Variants in PRORP observed in about 807,000 individuals in gnomAD.
The protein encoded by PRORP is mitochondrial ribonuclease P catalytic subunit.
In PRORP, 51 loss-of-function variants were observed where a neutral mutation model predicts 59.4. The ratio of observed to expected loss-of-function variants is 0.86; its 90% CI spans 0.69 to 1.08. The LOEUF (loss-of-function observed/expected upper bound fraction) is 1.08. Among genes scored for constraint, PRORP ranks in the 50% least tolerant of loss-of-function variants. PRORP has a pLI of 0.00. For synonymous variants in PRORP, 231 were observed against 245.6 expected (o/e 0.94, Z 0.55); for missense variants, 646 against 690.3 (o/e 0.94, Z 0.72).
rs1182227311 is a variant in PRORP, at chr14:35,197,291, AG to A, written c.1275+16516del. Among the ~76,000 whole-genome samples, 10 of 152,286 alleles carry A rather than the reference AG, an allele frequency of 6.6e-5. No homozygotes were observed. In the East Asian group the frequency reaches 1.9e-3, roughly 29 times the overall value. Reference sequence around the variant, plus strand: ...AAAACACTCTCATTGAGAGTGTGGTAGGAAGAGGCCACTTATGAAAATATAA... The same window carrying A: ...AAAACACTCTCATTGAGAGTGTGGTAGAAGAGGCCACTTATGAAAATATAA... On this transcript the variant is annotated intron_variant, in intron 5 of 7. Transcript: ENST00000534898.
At chr14:35,133,707 A>C (rs1344043809) in intron 4 of PRORP, among the ~76,000 whole-genome samples, 1 of 152,208 alleles carries the variant, frequency 6.6e-6, no homozygotes, top group East Asian at 1.9e-4. Context: ...TTTAGGGGGC[A>C]GCCAAAGCCC....
At chr14:35,193,296 T>C (rs1361294464) in intron 5 of PRORP, among the ~76,000 whole-genome samples, 1 of 152,206 alleles carries the variant, frequency 6.6e-6, no homozygotes, top group East Asian at 1.9e-4. Context: ...TTAAAAGAAT[T>C]ATGGCTGACA....
At chr14:35,163,855 C>T (rs1044976290) in intron 4 of PRORP, among the ~76,000 whole-genome samples, 1 of 152,122 alleles carries the variant, frequency 6.6e-6, no homozygotes, top group African/African-American at 2.4e-5. Flanking sequence ...AGGCTGATGT[C>T]AAGAAGGGTA....
intron 5 of PRORP, among the ~76,000 whole-genome samples, chr14:35,181,138 A>G (rs2048595160): frequency 6.6e-6 from 1 of 152,154 alleles, no homozygotes; most frequent in South Asian, 2.1e-4. Flanking sequence ...AAAATTATCA[A>G]TATACAATAT....
chr14:35,201,113 G>A (rs1221641291), intron 5 of PRORP, among the ~76,000 whole-genome samples: 9 of 152,106 alleles, frequency 5.9e-5, no homozygotes, highest in Admixed American at 2.0e-4. Context: ...GTGGGTTTTG[G>A]GTAGGAAGAC....
At chr14:35,149,467 C>T (rs1235454032) in intron 4 of PRORP, among the ~76,000 whole-genome samples, 1 of 152,204 alleles carries the variant, frequency 6.6e-6, no homozygotes, top group African/African-American at 2.4e-5. Context: ...CTTGCTTCAG[C>T]CTCCCAAAGT....
intron 5 of PRORP, among the ~76,000 whole-genome samples, chr14:35,265,155 T>C (rs1255133176): frequency 6.6e-6 from 1 of 152,146 alleles, no homozygotes; most frequent in Non-Finnish European, 1.5e-5. Flanking sequence ...CTTTAAGTAA[T>C]GTCCTGAAAA....
chr14:35,159,310 C>T (rs997613511), intron 4 of PRORP, among the ~76,000 whole-genome samples: 4 of 152,260 alleles, frequency 2.6e-5, no homozygotes, highest in Middle Eastern at 3.4e-3. Context: ...TGTTTTCTTC[C>T]TCTTCTTTTT....
intron 4 of PRORP, among the ~76,000 whole-genome samples, chr14:35,150,906 G>A (rs2047728356): frequency 6.6e-6 from 1 of 152,134 alleles, no homozygotes; most frequent in African/African-American, 2.4e-5. Context: ...AGGTGGGAGT[G>A]TGCAAAGGAG....
chr14:35,236,981 T>TCCTC (rs1221552868), intron 5 of PRORP, among the ~76,000 whole-genome samples: 1 of 151,018 alleles, frequency 6.6e-6, no homozygotes, highest in Non-Finnish European at 1.5e-5. Flanking sequence ...TTTCCTTTCT[T>TCCTC]CCTCCCTCCC....
At chr14:35,262,606 A>G (rs1283552261) in intron 5 of PRORP, 1 of 729,942 alleles carries the variant, frequency 1.4e-6, no homozygotes, top group Non-Finnish European at 2.5e-6. Context: ...CTTCTTGGAA[A>G]GAAAGAAAAG....
chr14:35,156,882 ATT>A (rs1000490334), intron 4 of PRORP, among the ~76,000 whole-genome samples: 6 of 152,178 alleles, frequency 3.9e-5, no homozygotes, highest in African/African-American at 1.4e-4. Context: ...CCTATCATAA[ATT>A]AATACCTTTT....
chr14:35,146,562 G>C (rs577477028), intron 4 of PRORP, among the ~76,000 whole-genome samples: 2 of 151,968 alleles, frequency 1.3e-5, no homozygotes, highest in Non-Finnish European at 2.9e-5. Flanking sequence ...ATGAACTGTG[G>C]GTTTTTTTCC....
chr14:35,189,137 A>G (rs2048819964), intron 5 of PRORP, among the ~76,000 whole-genome samples: 1 of 151,968 alleles, frequency 6.6e-6, no homozygotes, highest in Admixed American at 6.6e-5. Context: ...ACTAACCTTC[A>G]CCCTATTTAT....
In PRORP at chr14:35,122,640, G is replaced by C. The variant is rs887486758; in HGVS notation, c.-295+5G>C. 3 of 154,644 alleles carry C rather than the reference G, an allele frequency of 1.9e-5. No homozygotes were observed. The highest frequency in any genetic ancestry group is 7.2e-5 in the African/African-American group (3 of 41,462). The allele number at this position is 154,644 out of a possible 1,614,324, so 9.6% of individuals were successfully genotyped here. A position where few individuals can be genotyped will look rare whatever the true frequency, so the allele number is the denominator to read the frequency against. On this transcript the variant is annotated splice_donor_5th_base_variant and intron_variant, in intron 1 of 7. Transcript: ENST00000534898. ...AACTTCATTTGTCAGCGTTCGGTAC[G>C]CAGTCTAGGCAGCGCCCTTCCTGTA...
At chr14:35,249,178 T>TA (rs2050553041) in intron 5 of PRORP, among the ~76,000 whole-genome samples, 1 of 152,338 alleles carries the variant, frequency 6.6e-6, no homozygotes, top group Admixed American at 6.5e-5. Context: ...AACCCCATTA[T>TA]ATCCTCAAAT....
chr14:35,232,599 G>A (rs1335053413), intron 5 of PRORP, among the ~76,000 whole-genome samples: 1 of 152,018 alleles, frequency 6.6e-6, no homozygotes, highest in Admixed American at 6.6e-5. Flanking sequence ...CTTAATTTTT[G>A]CTTGGCCCAT....
rs1326948806 is a variant in PRORP at position 35,274,930 on chromosome 14, T to A, written c.*1364T>A. The A allele has an allele frequency of 2.0e-5, 3 of 152,238 alleles. No individual in the cohort carries two copies. Among genetic ancestry groups the A allele is most frequent in the Non-Finnish European group, 4.4e-5 (3 of 68,036 alleles). 9.4% of individuals were successfully genotyped at this position (152,238 alleles called of 1,614,324 possible). A position where few individuals can be genotyped will look rare whatever the true frequency, so the allele number is the denominator to read the frequency against. ...AGCCAGCTTACAGTTTATTAGCCCT[T>A]GATTTCAGCTGAAAATATTCATGTC... is the stretch of plus-strand genomic sequence containing the variant. On this transcript the variant is annotated 3_prime_UTR_variant, in exon 8 of 8. Transcript: ENST00000534898.
At chr14:35,183,407 TAAA>T (rs1370807050) in intron 5 of PRORP, among the ~76,000 whole-genome samples, 1 of 152,160 alleles carries the variant, frequency 6.6e-6, no homozygotes, top group Non-Finnish European at 1.5e-5. Flanking sequence ...GGAAAAAAGT[TAAA>T]AAGCATTCTT....
Sources: allele counts gnomAD v4.1 joint callset (sites outside exome capture counted in the v4.1 genomes callset), GRCh38; gene constraint gnomAD v4.1.1; transcripts MANE v1.5; gene names NCBI Gene and HGNC (gene_info 2026-07-23, HGNC 2026-07-21).